The following ZNF185 variants were observed in gnomAD, a reference collection of about 807,000 sequenced individuals.
ZNF185 encodes the protein zinc finger protein 185.
In ZNF185, 56 loss-of-function variants were observed where a neutral mutation model predicts 58.6. The observed-to-expected ratio is 0.95, with a 90% CI of 0.77 to 1.19. The LOEUF (loss-of-function observed/expected upper bound fraction) is 1.19. Among genes scored for constraint, ZNF185 ranks in the 50% most tolerant of loss-of-function variants. ZNF185 has a pLI of 0.00. For synonymous variants in ZNF185, 230 were observed against 215.9 expected (o/e 1.07, Z -0.57); for missense variants, 627 against 573.5 (o/e 1.09, Z -0.95).
chrX:152,912,003 A>C, upstream of ZNF185, among the ~76,000 whole-genome samples: 1 of 96,529 alleles, frequency 1.0e-5, no homozygotes, highest in African/African-American at 3.9e-5. Flanking sequence ...CATCCATCCC[A>C]TCCATCCCAC....
the ZNF185 span, among the ~76,000 whole-genome samples, chrX:152,904,502 C>T: frequency 8.9e-6 from 1 of 112,412 alleles, no homozygotes; most frequent in Admixed American, 9.4e-5. Context: ...ATTCACCAGA[C>T]CTGGCCACAG....
chrX:152,961,688 A>C (rs2049504960), intron 17 of ZNF185, among the ~76,000 whole-genome samples: 1 of 112,512 alleles, frequency 8.9e-6, no homozygotes, highest in African/African-American at 3.2e-5. Context: ...TCCACTAAGG[A>C]ATAAGCATGA....
intron 11 of ZNF185, among the ~76,000 whole-genome samples, chrX:152,927,250 T>TG (rs1285482705): frequency 8.9e-6 from 1 of 112,436 alleles, no homozygotes; most frequent in Non-Finnish European, 1.9e-5. Flanking sequence ...CGAGAGGAGA[T>TG]GGGGAGAAGT....
At chrX:152,922,084 T>C in intron 9 of ZNF185, 89 bp from the exon 11 acceptor site, 2 of 984,075 alleles carry the variant, frequency 2.0e-6, no homozygotes, top group South Asian at 4.3e-5. Context: ...TTGGGTCAGT[T>C]AGACGCCACT....
In ZNF185 at chrX:152,922,389, C is replaced by T. The variant is rs1369387962; in HGVS notation, c.740+133C>T. On this transcript the variant is annotated intron_variant, in intron 10 of 22. Coordinates refer to ENST00000449285, the Ensembl canonical transcript of ZNF185. ...TGTCCCCATGTGCCCAGTGACAAGACGGGACAAAGAAATCAGTAAGAGCCC... is the reference window on the plus strand; with the variant it reads ...TGTCCCCATGTGCCCAGTGACAAGATGGGACAAAGAAATCAGTAAGAGCCC... The T allele has an allele frequency of 1.7e-5, 11 of 641,657 alleles. No individual in the cohort carries two copies. In the East Asian group the frequency reaches 1.8e-4, roughly 10 times the overall value. 52.9% of individuals were successfully genotyped at this position (641,657 alleles called of 1,213,427 possible). A position where few individuals can be genotyped will look rare whatever the true frequency, so the allele number is the denominator to read the frequency against.
chrX:152,934,486 T>G (rs1302991571), intron 14 of ZNF185, among the ~76,000 whole-genome samples: 1 of 112,532 alleles, frequency 8.9e-6, no homozygotes, highest in African/African-American at 3.2e-5. Flanking sequence ...TTCATGAATT[T>G]TAACCCAGTC....
At chrX:152,909,904 C>CTTT (rs1223634856), upstream of ZNF185, among the ~76,000 whole-genome samples, 228 of 90,209 alleles carry the variant, frequency 2.5e-3, 5 homozygotes, top group African/African-American at 8.5e-3. Flanking sequence ...GGCATCAACT[C>CTTT]TTTTTTTTTT....
At chrX:152,954,318 T>C (rs1437839805) in intron 16 of ZNF185, among the ~76,000 whole-genome samples, 2 of 110,804 alleles carry the variant, frequency 1.8e-5, no homozygotes, top group Non-Finnish European at 3.8e-5. Context: ...TGTTCTGCAT[T>C]GCAGCACTTA....
At chrX:152,937,977 C>T in intron 14 of ZNF185, 97 bp from the exon 17 acceptor site, 1 of 800,006 alleles carries the variant, frequency 1.2e-6, no homozygotes, top group Non-Finnish European at 1.8e-6. Context: ...AGACACAGTT[C>T]CTCCCTTTCT....
chrX:152,972,702 G>C (rs996741048), exon 23 of ZNF185: 1 of 111,118 alleles, frequency 9.0e-6, no homozygotes, highest in Non-Finnish European at 1.9e-5. Flanking sequence ...CCAGGTACTT[G>C]GGACATGGAA....
exon 17 of ZNF185, chrX:152,959,709 G>C: frequency 8.3e-7 from 1 of 1,211,153 alleles, no homozygotes. Flanking sequence ...CGTGTTGACT[G>C]ATTTTGAGGG....
chrX:152,931,636 T>C (rs1322622873), intron 12 of ZNF185, 36 bp from the exon 14 acceptor site: 1 of 1,141,760 alleles, frequency 8.8e-7, no homozygotes, highest in Non-Finnish European at 1.2e-6. Context: ...TGTGAATGGC[T>C]GCTGCATGGT....
At chrX:152,939,789 T>TC (rs2046954036) in intron 15 of ZNF185, among the ~76,000 whole-genome samples, 1 of 98,870 alleles carries the variant, frequency 1.0e-5, no homozygotes, top group Non-Finnish European at 2.0e-5. Context: ...TTTTTTTTTT[T>TC]TTTTTTTTTT....
At chrX:152,951,361 A>G (rs782252080) in intron 16 of ZNF185, among the ~76,000 whole-genome samples, 130 of 101,441 alleles carry the variant, frequency 1.3e-3, no homozygotes, top group Non-Finnish European at 2.3e-3. Flanking sequence ...ACACTGAATA[A>G]AAGTTTTAAC....
upstream of ZNF185, among the ~76,000 whole-genome samples, chrX:152,913,765 G>A (rs781784033): frequency 2.7e-5 from 3 of 112,541 alleles, no homozygotes; most frequent in Non-Finnish European, 5.6e-5. Flanking sequence ...TCTCCTAGCA[G>A]ATGACTTGAG....
intron 16 of ZNF185, among the ~76,000 whole-genome samples, chrX:152,951,093 T>TTTTTC (rs1175983152): frequency 8.6e-5 from 9 of 104,093 alleles, no homozygotes; most frequent in Non-Finnish European, 1.4e-4. Flanking sequence ...GAATTTTTTT[T>TTTTTC]TTTTTTTTTT....
intron 15 of ZNF185, among the ~76,000 whole-genome samples, chrX:152,941,229 C>G (rs940602892): frequency 1.8e-5 from 2 of 111,763 alleles, no homozygotes; most frequent in South Asian, 3.7e-4. Flanking sequence ...GTGGTTCTGA[C>G]CCAGGGGCAT....
chrX:152,949,991 G>A (rs1385936452), intron 16 of ZNF185, among the ~76,000 whole-genome samples: 2 of 111,486 alleles, frequency 1.8e-5, no homozygotes, highest in African/African-American at 6.5e-5. Context: ...CAGTTGGCAA[G>A]TTTTCACTTT....
At chrX:152,971,616 G>C (rs1012432037) in exon 23 of ZNF185, 1 of 111,726 alleles carries the variant, frequency 9.0e-6, no homozygotes, top group Non-Finnish European at 1.9e-5. Context: ...AGAAGTGTAG[G>C]GTTCAGTGTG....
Sources: gnomAD v4.1 joint callset for allele counts (sites outside exome capture counted in the v4.1 genomes callset) on GRCh38, gnomAD v4.1.1 for gene constraint, MANE v1.5 for transcripts, NCBI Gene and HGNC (gene_info 2026-07-23, HGNC 2026-07-21) for gene names.